Variants in CSMD3 observed in about 807,000 individuals in gnomAD.
CSMD3 encodes the protein CUB and sushi domain-containing protein 3.
Under a neutral mutation model 435.2 loss-of-function variants are expected in CSMD3, and 177 were observed. The ratio of observed to expected loss-of-function variants is 0.41; its 90% CI spans 0.36 to 0.46. CSMD3 has a LOEUF of 0.46. Among genes scored for constraint, CSMD3 ranks in the 20% least tolerant of loss-of-function variants. The pLI is 0.34. For missense variants in CSMD3, 4,265 were observed against 4,504.6 expected (o/e 0.95, Z 1.52); for synonymous variants, 1,656 against 1,520.5 (o/e 1.09, Z -2.07).
At chr8:112,862,489 T>A (rs1262303675) in intron 10 of CSMD3, among the ~76,000 whole-genome samples, 1 of 152,052 alleles carries the variant, frequency 6.6e-6, no homozygotes, top group Non-Finnish European at 1.5e-5. Flanking sequence ...TTAGGAGGTT[T>A]CCTTAATCCT....
chr8:112,468,232 G>GTGTTTTTT (rs1818152244), intron 32 of CSMD3, among the ~76,000 whole-genome samples: 1 of 114,882 alleles, frequency 8.7e-6, no homozygotes. Flanking sequence ...ATTGCCTAAA[G>GTGTTTTTT]TATTTTTTTT....
intron 22 of CSMD3, among the ~76,000 whole-genome samples, chr8:112,612,945 A>G (rs1255510388): frequency 2.0e-5 from 3 of 149,474 alleles, no homozygotes; most frequent in Non-Finnish European, 4.5e-5. Context: ...GGGGAGGGGG[A>G]TGGTTGAAGG....
chr8:112,562,804 T>C (rs1236836333), intron 24 of CSMD3, among the ~76,000 whole-genome samples: 2 of 151,742 alleles, frequency 1.3e-5, no homozygotes, highest in East Asian at 1.9e-4. Context: ...AGTGAAGACC[T>C]CTTCATTTAT....
rs899435272 is a variant in CSMD3 at position 112,469,101 on chromosome 8, G to T, written c.5395+3490C>A. On this transcript the variant is annotated intron_variant, in intron 32 of 70. Transcript: ENST00000297405. Reference sequence around the variant, plus strand: ...TTAGGTTGGTGTAAAAGTAATTGTGGTTTTTGCCATTAAAAGTAATGGCAA... The same window carrying T: ...TTAGGTTGGTGTAAAAGTAATTGTGTTTTTTGCCATTAAAAGTAATGGCAA... Among the ~76,000 whole-genome samples, 8 of 135,074 alleles carry T rather than the reference G, an allele frequency of 5.9e-5. No individual in the cohort carries two copies. In the East Asian group the frequency reaches 9.1e-4, roughly 15 times the overall value. 88.6% of individuals were successfully genotyped at this position (135,074 alleles called of 152,430 possible). A position where few individuals can be genotyped will look rare whatever the true frequency, so the allele number is the denominator to read the frequency against.
intron 27 of CSMD3, among the ~76,000 whole-genome samples, chr8:112,533,345 A>G (rs1026592089): frequency 6.6e-6 from 1 of 152,078 alleles, no homozygotes; most frequent in Non-Finnish European, 1.5e-5. Flanking sequence ...GAACGAAAAA[A>G]TAAGACCCAA....
chr8:112,370,029 A>AGAGGAAGAAGAG (rs1160457546), intron 38 of CSMD3, among the ~76,000 whole-genome samples: 8 of 62,554 alleles, frequency 1.3e-4, no homozygotes, highest in Non-Finnish European at 2.4e-4. Context: ...AAGAGGAAGA[A>AGAGGAAGAAGAG]GAAGAAGAAG....
chr8:112,262,083 A>T (rs1439666923), intron 61 of CSMD3, among the ~76,000 whole-genome samples: 2 of 151,968 alleles, frequency 1.3e-5, no homozygotes, highest in Non-Finnish European at 2.9e-5. Context: ...TGCTTAAGAA[A>T]TTCCTTCTAA....
intron 6 of CSMD3, among the ~76,000 whole-genome samples, chr8:112,986,262 C>T (rs954873677): frequency 6.6e-6 from 1 of 152,098 alleles, no homozygotes; most frequent in Admixed American, 6.6e-5. Flanking sequence ...TTCAACTGGG[C>T]ATTCTGTATA....
intron 3 of CSMD3, among the ~76,000 whole-genome samples, chr8:113,176,905 A>T (rs1467180683): frequency 2.0e-5 from 3 of 152,114 alleles, no homozygotes; most frequent in African/African-American, 4.8e-5. Context: ...TTAAAAAAAA[A>T]AATAAAGTAT....
chr8:112,224,710 T>C lies in CSMD3; in HGVS notation c.*61A>G. On this transcript the variant is annotated 3_prime_UTR_variant, in exon 71 of 71. Coordinates refer to ENST00000297405, the MANE Select transcript of CSMD3 (RefSeq NM_198123.2). ...TGCTTTAATTTGTTTAGCAGTGAAC[T>C]AAATGTGCACTGTTTTGTGTGTCGA... 6.5e-7 allele frequency: 1 copy of C among 1,545,336 alleles called. No homozygotes were observed. Among genetic ancestry groups the C allele is most frequent in the Non-Finnish European group, 9.0e-7 (1 of 1,117,304 alleles).
At chr8:112,616,378 C>T (rs1833663425) in intron 22 of CSMD3, among the ~76,000 whole-genome samples, 1 of 152,002 alleles carries the variant, frequency 6.6e-6, no homozygotes, top group Admixed American at 6.6e-5. Context: ...ACATATATAG[C>T]TTGAAAGTTA....
rs181020056 is a variant in CSMD3 at position 113,202,598 on chromosome 8, C to G, written c.515-28682G>C. On this transcript the variant is annotated intron_variant, in intron 3 of 70. Coordinates refer to ENST00000297405, the MANE Select transcript of CSMD3 (RefSeq NM_198123.2). The stretch of plus-strand genomic sequence containing the variant: ...ATTTCCTTTTATTCTGAAAAATTTC[C>G]AAAAAGCAATATTATCTGCATTCTC... Among the ~76,000 whole-genome samples the G allele has an allele frequency of 6.6e-3, 1,003 of 152,048 alleles. 11 individuals carry two copies. Among genetic ancestry groups the G allele is most frequent in the African/African-American group, 0.022 (903 of 41,496 alleles).
intron 3 of CSMD3, among the ~76,000 whole-genome samples, chr8:113,235,153 C>A (rs973780606): frequency 6.6e-6 from 1 of 152,102 alleles, no homozygotes; most frequent in Non-Finnish European, 1.5e-5. Context: ...ATAGTAGATA[C>A]AGCAGTCATT....
At chr8:112,290,326 C>G (rs1369949062) in intron 56 of CSMD3, among the ~76,000 whole-genome samples, 1 of 151,806 alleles carries the variant, frequency 6.6e-6, no homozygotes, top group Non-Finnish European at 1.5e-5. Context: ...TAATACTCTA[C>G]CAGGGAGAGC....
intron 6 of CSMD3, among the ~76,000 whole-genome samples, chr8:113,007,067 G>C (rs1345691714): frequency 6.6e-6 from 1 of 151,924 alleles, no homozygotes; most frequent in Non-Finnish European, 1.5e-5. Flanking sequence ...AAAATACAAA[G>C]AGGAGAGACA....
intron 1 of CSMD3, among the ~76,000 whole-genome samples, chr8:113,375,536 C>CACAT (rs1554623684): frequency 0.035 from 5,281 of 150,492 alleles, 119 homozygotes; most frequent in Non-Finnish European, 0.052. Context: ...CACACACACA[C>CACAT]ACACACACAC....
chr8:112,672,305 C>G (rs140547217), intron 16 of CSMD3, among the ~76,000 whole-genome samples: 1 of 152,066 alleles, frequency 6.6e-6, no homozygotes, highest in Non-Finnish European at 1.5e-5. Flanking sequence ...TCAAGTGGTT[C>G]TTGTTGTTAC....
intron 5 of CSMD3, among the ~76,000 whole-genome samples, chr8:113,097,285 A>C (rs1440504989): frequency 6.6e-6 from 1 of 152,032 alleles, no homozygotes; most frequent in Non-Finnish European, 1.5e-5. Flanking sequence ...CCATTTGTTT[A>C]ATGTTTATTC....
chr8:113,334,819 T>A (rs183088643), intron 1 of CSMD3, among the ~76,000 whole-genome samples: 3 of 152,104 alleles, frequency 2.0e-5, no homozygotes, highest in Admixed American at 6.6e-5. Context: ...ATCGGTGCAT[T>A]TTGTCTTAAG....
Sources: gnomAD v4.1 joint callset for allele counts (sites outside exome capture counted in the v4.1 genomes callset) on GRCh38, gnomAD v4.1.1 for gene constraint, MANE v1.5 for transcripts, NCBI Gene and HGNC (gene_info 2026-07-23, HGNC 2026-07-21) for gene names.